TRMT11: variants seen among roughly 807,000 people sequenced by gnomAD.
TRMT11 encodes the protein tRNA methyltransferase 11.
In TRMT11, 53 loss-of-function variants were observed where a neutral mutation model predicts 62.8. That is an observed-to-expected ratio of 0.84 (90% CI 0.68 to 1.06). The LOEUF is 1.06. TRMT11 is among the 50% of genes least tolerant of loss of function. TRMT11 has a pLI of 0.00. For missense variants in TRMT11, 556 were observed against 553.4 expected (o/e 1.00, Z -0.05); for synonymous variants, 188 against 190.3 (o/e 0.99, Z 0.10).
At chr6:126,063,046 A>G (rs1405513830) in intron 17 of TRMT11, among the ~76,000 whole-genome samples, 1 of 152,226 alleles carries the variant, frequency 6.6e-6, no homozygotes, top group Non-Finnish European at 1.5e-5. Context: ...TAAATAATAA[A>G]GGGTATATAT....
chr6:126,234,382 A>G, the TRMT11 span, among the ~76,000 whole-genome samples: 1 of 152,116 alleles, frequency 6.6e-6, no homozygotes, highest in African/African-American at 2.4e-5. Flanking sequence ...TATTTATTTA[A>G]TTTAAAGTTT....
At chr6:126,200,706 C>A (rs1183009677) in intron 3 of TRMT11, among the ~76,000 whole-genome samples, 1 of 152,200 alleles carries the variant, frequency 6.6e-6, no homozygotes, top group Non-Finnish European at 1.5e-5. Context: ...AGGCGCCTAC[C>A]ACCACGCCTG....
At chr6:126,142,291 CCAA>C (rs1280277616) in intron 21 of TRMT11, among the ~76,000 whole-genome samples, 2 of 151,962 alleles carry the variant, frequency 1.3e-5, no homozygotes, top group Non-Finnish European at 2.9e-5. Flanking sequence ...ACCTTTCAGC[CCAA>C]CAATTCCACA....
intron 1 of TRMT11, among the ~76,000 whole-genome samples, chr6:125,991,599 C>T (rs1287695778): frequency 6.6e-6 from 1 of 151,974 alleles, no homozygotes; most frequent in Non-Finnish European, 1.5e-5. Flanking sequence ...AGCCGCCATA[C>T]CTGGCTGCTT....
intron 16 of TRMT11, among the ~76,000 whole-genome samples, chr6:126,046,886 A>C (rs1776076317): frequency 6.6e-6 from 1 of 152,234 alleles, no homozygotes; most frequent in Non-Finnish European, 1.5e-5. Context: ...TATAAGTGCT[A>C]GAGCCCAACC....
intron 11 of TRMT11, among the ~76,000 whole-genome samples, chr6:126,016,492 G>T (rs899746758): frequency 6.6e-6 from 1 of 152,058 alleles, no homozygotes; most frequent in African/African-American, 2.4e-5. Context: ...ATGTGGTTGA[G>T]AATTTATTTT....
downstream of TRMT11, among the ~76,000 whole-genome samples, chr6:126,205,927 ACAC>A (rs1485189411): frequency 9.9e-5 from 15 of 151,680 alleles, no homozygotes; most frequent in African/African-American, 3.6e-4. Flanking sequence ...ACACACACAC[ACAC>A]ACACACACAT....
chr6:126,180,755 G>A (rs1400517340), intron 1 of TRMT11, among the ~76,000 whole-genome samples: 1 of 152,164 alleles, frequency 6.6e-6, no homozygotes, highest in Non-Finnish European at 1.5e-5. Context: ...TGGCCACACA[G>A]TTTTGTGGTT....
chr6:126,095,245 C>T (rs1011008274), intron 17 of TRMT11, among the ~76,000 whole-genome samples: 2 of 152,294 alleles, frequency 1.3e-5, no homozygotes, highest in Non-Finnish European at 2.9e-5. Context: ...TTTAAGCAAC[C>T]AATCTTCCCC....
At chr6:126,088,858 A>G (rs1448991478) in intron 17 of TRMT11, among the ~76,000 whole-genome samples, 1 of 152,230 alleles carries the variant, frequency 6.6e-6, no homozygotes, top group East Asian at 1.9e-4. Context: ...TTATATTGCT[A>G]GAGAAATCAA....
chr6:126,119,735 G>A (rs61188063), intron 21 of TRMT11, among the ~76,000 whole-genome samples: 22,530 of 151,910 alleles, frequency 0.15, 2,837 homozygotes, highest in African/African-American at 0.35. Context: ...TTGAGTGTAA[G>A]TTGAGAGTAT....
At chr6:126,242,827 A>C in the TRMT11 span, among the ~76,000 whole-genome samples, 1 of 152,220 alleles carries the variant, frequency 6.6e-6, no homozygotes, top group Non-Finnish European at 1.5e-5. Flanking sequence ...AAAACATAAA[A>C]ACCCTAGAAG....
intron 3 of TRMT11, among the ~76,000 whole-genome samples, chr6:125,997,276 A>G (rs1227614284): frequency 1.3e-5 from 2 of 152,238 alleles, no homozygotes; most frequent in East Asian, 3.8e-4. Flanking sequence ...AAAAAATTAC[A>G]ATTTAACTGT....
chr6:126,228,874 C>T, the TRMT11 span, among the ~76,000 whole-genome samples: 345 of 152,316 alleles, frequency 2.3e-3, no homozygotes, highest in Non-Finnish European at 3.4e-3. Context: ...TTCTCATTAA[C>T]ACTTGAAAAT....
At chr6:126,166,820 G>A (rs1002522895) in intron 21 of TRMT11, among the ~76,000 whole-genome samples, 81 of 152,206 alleles carry the variant, frequency 5.3e-4, no homozygotes, top group African/African-American at 1.9e-3. Flanking sequence ...CAGAGAGGAG[G>A]AATCTAGAGA....
At chr6:126,110,675 C>CGT (rs137900626) in intron 17 of TRMT11, among the ~76,000 whole-genome samples, 6 of 151,650 alleles carry the variant, frequency 4.0e-5, no homozygotes, top group African/African-American at 7.2e-5. Flanking sequence ...GAAACATGTG[C>CGT]GTGTGTGTGT....
chr6:126,183,784 C>T (rs113466537), intron 1 of TRMT11, among the ~76,000 whole-genome samples: 2,911 of 129,018 alleles, frequency 0.023, 105 homozygotes, highest in African/African-American at 0.078. Flanking sequence ...ACTGTTAGCA[C>T]TTATAGAGTG....
At chr6:126,154,506 A>C (rs1299538965) in intron 21 of TRMT11, among the ~76,000 whole-genome samples, 1 of 152,170 alleles carries the variant, frequency 6.6e-6, no homozygotes, top group African/African-American at 2.4e-5. Context: ...CTTTTCTAGA[A>C]TCTAACTTAT....
intron 17 of TRMT11, among the ~76,000 whole-genome samples, chr6:126,108,463 A>G (rs558691996): frequency 6.6e-6 from 1 of 152,342 alleles, no homozygotes; most frequent in South Asian, 2.1e-4. Context: ...ATATAAATGT[A>G]TGTGCCAGGC....
Sources: allele counts gnomAD v4.1 joint callset (sites outside exome capture counted in the v4.1 genomes callset), GRCh38; gene constraint gnomAD v4.1.1; transcripts MANE v1.5; gene names NCBI Gene and HGNC (gene_info 2026-07-23, HGNC 2026-07-21).